SPATA13: variants seen among roughly 807,000 people sequenced by gnomAD.
SPATA13 encodes the protein spermatogenesis-associated protein 13.
SPATA13 carries 50 observed loss-of-function variants against 104.0 expected under a neutral mutation model. That is an observed-to-expected ratio of 0.48 (90% confidence interval 0.38 to 0.61). The LOEUF (loss-of-function observed/expected upper bound fraction) is 0.61. Among genes scored for constraint, SPATA13 ranks in the 20% least tolerant of loss-of-function variants. The pLI is 0.00. For synonymous variants in SPATA13, 606 were observed against 667.5 expected, an observed-to-expected ratio of 0.91 and a Z score of 1.42; for missense variants, 1,524 against 1,690.6, an observed-to-expected ratio of 0.90 and a Z score of 1.73.
intron 2 of SPATA13, among the ~76,000 whole-genome samples, chr13:24,246,708 T>A (rs757293323): frequency 1.3e-5 from 2 of 151,906 alleles, no homozygotes; most frequent in Non-Finnish European, 2.9e-5. Flanking sequence ...AAAATGTATA[T>A]CTAAATTAGC....
At chr13:24,215,681 C>T (rs1169501050) in intron 1 of SPATA13, among the ~76,000 whole-genome samples, 1 of 152,178 alleles carries the variant, frequency 6.6e-6, no homozygotes, top group East Asian at 1.9e-4. Flanking sequence ...GTAAAAGCTA[C>T]ATCATTCCCT....
chr13:24,188,619 G>A (rs1869307816), intron 1 of SPATA13, among the ~76,000 whole-genome samples: 2 of 152,176 alleles, frequency 1.3e-5, no homozygotes, highest in South Asian at 4.1e-4. Flanking sequence ...ATAAGTGCAG[G>A]GTGAAGCAGC....
At chr13:24,173,828 T>C (rs1883101208) in intron 1 of SPATA13, among the ~76,000 whole-genome samples, 1 of 152,170 alleles carries the variant, frequency 6.6e-6, no homozygotes, top group Admixed American at 6.5e-5. Flanking sequence ...ATGAAGCCCA[T>C]TTGGTCGTAT....
intron 10 of SPATA13, among the ~76,000 whole-genome samples, chr13:24,295,814 A>G (rs534801895): frequency 2.0e-5 from 3 of 152,262 alleles, no homozygotes; most frequent in African/African-American, 7.2e-5. Context: ...ACACCATCCT[A>G]TGAAGTAAGC....
upstream of SPATA13, among the ~76,000 whole-genome samples, chr13:24,157,386 C>T (rs533705218): frequency 7.3e-3 from 1,118 of 152,270 alleles, 8 homozygotes; most frequent in African/African-American, 0.025. Context: ...GCAAGCTCCG[C>T]CTCCCGGGTT....
chr13:24,249,739 G>A lies in SPATA13; in HGVS notation c.1916G>A (p.Gly639Asp). ...ASPEDQNAPV[G>D]CPKGARRRRP... ...CCTGAAGACCAGAATGCTCCAGTGG[G>A]CTGCCCCAAAGGAGCCCGGAGAAGG... The change falls in exon 3 of 13, where the codon GGC becomes GAC. Residue 639 changes from glycine to aspartate, a missense_variant. Transcript: ENST00000382108. The A allele has an allele frequency of 6.2e-7, 1 of 1,614,120 alleles. No individual in the cohort carries two copies.
rs1044485105 is a variant in SPATA13 at position 24,161,441 on chromosome 13, A to AGCG, written c.-112+511_-112+513dup. ...TAGAAAGCAAGTTTCTCTTGGTACC[A>AGCG]GCGGAGTCTCGTCCCAGGGGAAAGA... On this transcript the variant is annotated intron_variant, in intron 1 of 12. Coordinates refer to ENST00000382108, the MANE Select transcript of SPATA13 (RefSeq NM_001166271.3). The surrounding 1 kb of genome is among the most constrained non-coding windows in gnomAD (Gnocchi z 4.5). Among the ~76,000 whole-genome samples the AGCG allele has an allele frequency of 6.6e-6, 1 of 152,172 alleles. No individual in the cohort carries two copies. Among genetic ancestry groups the AGCG allele is most frequent in the Non-Finnish European group, 1.5e-5 (1 of 68,032 alleles).
At chr13:23,990,687 C>T (rs1203094730) in intron 2 of SPATA13, among the ~76,000 whole-genome samples, 1 of 152,220 alleles carries the variant, frequency 6.6e-6, no homozygotes, top group East Asian at 1.9e-4. Flanking sequence ...TAAAAGGGTG[C>T]ACCCCACGAA....
Position 23,991,224 on chromosome 13 carries a change from G to T in SPATA13, c.-147+7291G>T, listed in dbSNP as rs7332038. Among the ~76,000 whole-genome samples, 199 of 152,298 alleles carry T rather than the reference G, an allele frequency of 1.3e-3. 3 individuals carry two copies. The highest frequency in any genetic ancestry group is 4.4e-3 in the African/African-American group (183 of 41,560). On this transcript the variant is annotated intron_variant, in intron 2 of 14. Transcript: ENST00000424834. ...CTCAAATTGCCTTCAAGGGCAGCCCGTCTAAGAACCTGTGCTGTCTTTTCT... is the reference window on the plus strand; with the variant it reads ...CTCAAATTGCCTTCAAGGGCAGCCCTTCTAAGAACCTGTGCTGTCTTTTCT...
intron 1 of SPATA13, among the ~76,000 whole-genome samples, chr13:24,191,310 AACATAATGCTATT>A (rs1467671217): frequency 1.3e-5 from 2 of 151,960 alleles, no homozygotes; most frequent in East Asian, 3.9e-4. Context: ...ATTTTTTTCA[AACATAATGCTATT>A]ACACACATGG....
At chr13:24,214,029 T>C (rs928793582) in intron 1 of SPATA13, among the ~76,000 whole-genome samples, 2 of 152,238 alleles carry the variant, frequency 1.3e-5, no homozygotes, top group Non-Finnish European at 2.9e-5. Context: ...GAGGCATCCT[T>C]TGGGAAAAGC....
intron 3 of SPATA13, among the ~76,000 whole-genome samples, chr13:24,063,827 G>A (rs916553404): frequency 1.3e-5 from 2 of 152,112 alleles, no homozygotes; most frequent in African/African-American, 2.4e-5. Context: ...AATTTGTGTC[G>A]TTTCCTGCCT....
chr13:24,271,174 G>C (rs1264208435), intron 4 of SPATA13, among the ~76,000 whole-genome samples: 1 of 151,908 alleles, frequency 6.6e-6, no homozygotes, highest in African/African-American at 2.4e-5. Flanking sequence ...TGAAGAAATT[G>C]GTTTTGTTTA....
At chr13:24,032,734 G>A (rs1877528745) in intron 3 of SPATA13, among the ~76,000 whole-genome samples, 1 of 152,214 alleles carries the variant, frequency 6.6e-6, no homozygotes, top group Non-Finnish European at 1.5e-5. Context: ...CCTAAAATGT[G>A]ACTGAACTTT....
chr13:24,191,190 G>A (rs1869715421), intron 1 of SPATA13, among the ~76,000 whole-genome samples: 1 of 152,092 alleles, frequency 6.6e-6, no homozygotes, highest in Non-Finnish European at 1.5e-5. Context: ...TGCCTAGGCT[G>A]GTCTCGATCA....
intron 3 of SPATA13, among the ~76,000 whole-genome samples, chr13:24,020,817 G>A (rs1876941100): frequency 6.6e-6 from 1 of 152,174 alleles, no homozygotes; most frequent in African/African-American, 2.4e-5. Flanking sequence ...GCTGAGGTGG[G>A]TGGATCACAA....
intron 3 of SPATA13, among the ~76,000 whole-genome samples, chr13:24,018,886 A>C (rs1876834239): frequency 6.6e-6 from 1 of 152,166 alleles, no homozygotes; most frequent in Non-Finnish European, 1.5e-5. Flanking sequence ...TTTGGTGTAC[A>C]CTCGAGAAAT....
intron 3 of SPATA13, chr13:24,122,707 G>C: frequency 1.1e-6 from 1 of 935,704 alleles, no homozygotes; most frequent in East Asian, 2.4e-5. Flanking sequence ...ACATAATTAC[G>C]AAGGAGGAGC....
At chr13:24,170,423 G>A (rs547303767) in intron 1 of SPATA13, among the ~76,000 whole-genome samples, 9 of 152,088 alleles carry the variant, frequency 5.9e-5, no homozygotes, top group East Asian at 3.8e-4. Flanking sequence ...AATTTTTGTG[G>A]GTGGACACTA....
Sources: allele counts gnomAD v4.1 joint callset (sites outside exome capture counted in the v4.1 genomes callset), GRCh38; gene constraint gnomAD v4.1.1; non-coding constraint Gnocchi (gnomAD v3.1); transcripts MANE v1.5; gene names NCBI Gene and HGNC (gene_info 2026-07-23, HGNC 2026-07-21).